ANK3: variants seen among roughly 807,000 people sequenced by gnomAD.
ANK3 encodes the protein ankyrin 3, also known as ankyrin-3.
ANK3 carries 57 observed loss-of-function variants against 370.9 expected under a neutral mutation model. The observed-to-expected ratio is 0.15, with a 90% confidence interval of 0.12 to 0.19. The LOEUF (loss-of-function observed/expected upper bound fraction) is 0.19. Ranked by LOEUF, ANK3 falls within the 10% of genes least tolerant of loss-of-function variation. The probability of loss-of-function intolerance (pLI) is 1.00; values close to 1 mark genes in which losing one functional copy is unlikely to be tolerated. For missense variants in ANK3, 4,439 were observed against 5,302.1 expected (o/e 0.84, Z 5.06); for synonymous variants, 1,929 against 1,946.3 (o/e 0.99, Z 0.23).
intron 1 of ANK3, among the ~76,000 whole-genome samples, chr10:60,350,617 C>A (rs2056659394): frequency 6.6e-6 from 1 of 152,222 alleles, no homozygotes; most frequent in Non-Finnish European, 1.5e-5. Context: ...AACCTCAGCT[C>A]TAATCGCTAA....
At chr10:60,160,327 C>T (rs537213938) in intron 23 of ANK3, among the ~76,000 whole-genome samples, 5 of 152,040 alleles carry the variant, frequency 3.3e-5, no homozygotes, top group Non-Finnish European at 5.9e-5. Context: ...AATTATTAGA[C>T]ACATAAAGCC....
At chr10:60,043,201 CT>C in intron 42 of ANK3, 3 of 987,310 alleles carry the variant, frequency 3.0e-6, no homozygotes, top group Non-Finnish European at 3.6e-6. Flanking sequence ...ATGACTTCCT[CT>C]TACTGTCAGA....
In ANK3 at chr10:60,073,153, C is replaced by T; in HGVS notation, c.7728G>A (p.Arg2576=). 6.2e-7 allele frequency: 1 copy of T among 1,614,072 alleles called. No individual in the cohort carries two copies. The highest frequency in any genetic ancestry group is 8.5e-7 in the Non-Finnish European group (1 of 1,180,006). The change falls in exon 37 of 44, where the codon AGG becomes AGA. Residue 2576 remains arginine, a synonymous_variant. Coordinates refer to ENST00000280772, the MANE Select transcript of ANK3 (RefSeq NM_020987.5). Reference sequence around the variant, plus strand: ...CAGCCTCCTTCACAGTCCTGTCCACCCTATCTTCATATATCAACTTCTCTC... The same window carrying T: ...CAGCCTCCTTCACAGTCCTGTCCACTCTATCTTCATATATCAACTTCTCTC... ...RGREKLIYED[R]VDRTVKEAEE... is the part of the protein sequence containing the mutation.
At chr10:60,392,657 G>A (rs113238321), upstream of ANK3, among the ~76,000 whole-genome samples, 19,607 of 152,186 alleles carry the variant, frequency 0.13, 1,365 homozygotes, top group South Asian at 0.16. Flanking sequence ...TGCCGGGCGC[G>A]GTGGCTCATG....
intron 36 of ANK3, among the ~76,000 whole-genome samples, chr10:60,077,196 CA>C (rs1315838733): frequency 2.7e-5 from 4 of 150,782 alleles, no homozygotes; most frequent in Non-Finnish European, 5.9e-5. Context: ...GAATTTTAAA[CA>C]AAAAAAACAA....
Position 60,149,894 on chromosome 10 carries a change from A to G in ANK3, c.2615-10807T>C, listed in dbSNP as rs1484442831. On this transcript the variant is annotated intron_variant, in intron 23 of 43. Coordinates refer to ENST00000280772, the MANE Select transcript of ANK3 (RefSeq NM_020987.5). The stretch of plus-strand genomic sequence containing the variant: ...TGGCTACTTTTTGTATTTTTAGTAG[A>G]GACAGGGTTTCGCCATGTTGGCCAG... 2.0e-5 allele frequency among the ~76,000 whole-genome samples: 3 copies of G among 152,284 alleles called. No individual in the cohort carries two copies. The East Asian group carries it at 5.8e-4, about 29-fold the overall frequency.
At position 60,132,460 on chromosome 10, in the gene ANK3, C is replaced by T. The variant is rs557724009; in HGVS notation, c.2841+1811G>A. 1.3e-4 allele frequency among the ~76,000 whole-genome samples: 19 copies of T among 148,520 alleles called. No individual in the cohort carries two copies. The South Asian group carries it at 4.4e-3, about 34-fold the overall frequency. On this transcript the variant is annotated intron_variant, in intron 25 of 43. Transcript: ENST00000280772. The stretch of plus-strand genomic sequence containing the variant: ...CCTGCACAAATTCTCTTCTTGCCTG[C>T]CACCATGTAAGATGTCTCTTTCTCT...
intron 25 of ANK3, among the ~76,000 whole-genome samples, chr10:60,116,778 G>GAA (rs56179712): frequency 7.9e-5 from 12 of 151,314 alleles, no homozygotes; most frequent in Non-Finnish European, 1.8e-4. Context: ...GTCCTAGAAA[G>GAA]AAAAAAAATT....
Position 60,469,209 on chromosome 10 carries a change from A to AT in ANK3, c.96+145976_96+145977insA, listed in dbSNP as rs2065109086. On this transcript the variant is annotated intron_variant, in intron 2 of 43. Coordinates refer to the ANK3 transcript ENST00000373827. ...CACCACTTTTAGTGTATATATATATACCACTTTTAGTGCATATATATATAT... is the reference window on the plus strand; with the variant it reads ...CACCACTTTTAGTGTATATATATATATCCACTTTTAGTGCATATATATATAT... 4.6e-5 allele frequency among the ~76,000 whole-genome samples: 6 copies of AT among 131,690 alleles called. 1 individual carries two copies. Among genetic ancestry groups the AT allele is most frequent in the African/African-American group, 1.4e-4 (5 of 35,914 alleles). 86.4% of individuals were successfully genotyped at this position (131,690 alleles called of 152,430 possible).
chr10:60,347,712 T>C (rs1221412283), intron 1 of ANK3, among the ~76,000 whole-genome samples: 1 of 152,170 alleles, frequency 6.6e-6, no homozygotes, highest in Non-Finnish European at 1.5e-5. Flanking sequence ...GACCTATTCG[T>C]AATGATATAA....
intron 1 of ANK3, among the ~76,000 whole-genome samples, chr10:60,317,710 ATTTTTTTT>A (rs11365078): frequency 3.7e-5 from 4 of 109,342 alleles, no homozygotes; most frequent in African/African-American, 1.3e-4. Flanking sequence ...TCATGAGATA[ATTTTTTTT>A]TTTTTTTTTT....
chr10:60,616,485 G>A lies in ANK3; in HGVS notation c.58-1261C>T, dbSNP rs143252534. Reference sequence around the variant, plus strand: ...TTATTTCACATATACAGTATATCTTGCCTTTTCCCCTTAAAATCATATCAT... The same window carrying A: ...TTATTTCACATATACAGTATATCTTACCTTTTCCCCTTAAAATCATATCAT... On this transcript the variant is annotated intron_variant, in intron 1 of 43. Coordinates refer to the ANK3 transcript ENST00000373827. Among the ~76,000 whole-genome samples, 630 of 152,170 alleles carry A rather than the reference G, an allele frequency of 4.1e-3. 5 individuals carry two copies. Among genetic ancestry groups the A allele is most frequent in the African/African-American group, 0.014 (597 of 41,540 alleles).
intron 1 of ANK3, among the ~76,000 whole-genome samples, chr10:60,325,540 C>T (rs2049637576): frequency 6.6e-6 from 1 of 152,174 alleles, no homozygotes; most frequent in Non-Finnish European, 1.5e-5. Context: ...TTTTCATGCT[C>T]CCCATTCCTG....
chr10:60,712,163 T>C (rs960884174), intron 1 of ANK3, among the ~76,000 whole-genome samples: 5 of 152,066 alleles, frequency 3.3e-5, no homozygotes, highest in Non-Finnish European at 5.9e-5. Context: ...CTAGGCAACA[T>C]AGTGAGACCC....
chr10:60,227,010 G>A (rs1381928517), intron 8 of ANK3, among the ~76,000 whole-genome samples: 1 of 151,360 alleles, frequency 6.6e-6, no homozygotes, highest in East Asian at 1.9e-4. Context: ...TTTCCTTTAT[G>A]TAGATCCAGT....
chr10:60,361,631 C>A (rs2058623916), intron 1 of ANK3, among the ~76,000 whole-genome samples: 2 of 152,158 alleles, frequency 1.3e-5, no homozygotes, highest in Admixed American at 1.3e-4. Context: ...TCAGGGATAT[C>A]ATTCATTGTA....
intron 1 of ANK3, among the ~76,000 whole-genome samples, chr10:60,619,113 A>G (rs2078302053): frequency 6.6e-6 from 1 of 151,986 alleles, no homozygotes; most frequent in Non-Finnish European, 1.5e-5. Flanking sequence ...TCTAACAGGA[A>G]CCTCAGATCC....
intron 1 of ANK3, among the ~76,000 whole-genome samples, chr10:60,313,025 A>G (rs560952965): frequency 6.6e-6 from 1 of 152,326 alleles, no homozygotes; most frequent in East Asian, 1.9e-4. Flanking sequence ...CTTGCTGGGA[A>G]GGCCAGTCCC....
At chr10:60,670,876 G>T (rs1317120853) in intron 1 of ANK3, among the ~76,000 whole-genome samples, 1 of 152,238 alleles carries the variant, frequency 6.6e-6, no homozygotes, top group Non-Finnish European at 1.5e-5. Flanking sequence ...GTTGGGAGAA[G>T]TCCCTGTTTT....
Sources: allele counts gnomAD v4.1 joint callset (sites outside exome capture counted in the v4.1 genomes callset), GRCh38; gene constraint gnomAD v4.1.1; transcripts MANE v1.5; gene names NCBI Gene and HGNC (gene_info 2026-07-23, HGNC 2026-07-21).